SLC5A4: variants seen among roughly 807,000 people sequenced by gnomAD.
SLC5A4 encodes probable glucose sensor protein SLC5A4.
In SLC5A4, 55 loss-of-function variants were observed where a neutral mutation model predicts 70.3. That is an observed-to-expected ratio of 0.78 (90% CI 0.63 to 0.98). The LOEUF is 0.98. Among genes scored for constraint, SLC5A4 ranks in the 50% least tolerant of loss-of-function variants. The probability of loss-of-function intolerance (pLI) is 0.00; values close to 1 mark genes in which losing one functional copy is unlikely to be tolerated. For synonymous variants in SLC5A4, 268 were observed against 305.7 expected (o/e 0.88, Z 1.29); for missense variants, 735 against 839.2 (o/e 0.88, Z 1.53).
chr22:32,269,181 A>G, the SLC5A4 span, among the ~76,000 whole-genome samples: 2 of 152,330 alleles, frequency 1.3e-5, no homozygotes, highest in East Asian at 3.9e-4. The surrounding 1 kb of genome is among the most constrained non-coding windows in gnomAD (Gnocchi z 4.1). Flanking sequence ...GTGAGCCACC[A>G]CGAGCGGCTG....
chr22:32,270,958 C>T, the SLC5A4 span: 22,930 of 546,338 alleles, frequency 0.042, 948 homozygotes, highest in African/African-American at 0.16. Flanking sequence ...GCGGGGCTCA[C>T]GATGAGCTAG....
chr22:32,227,687 C>T (rs1299650732), intron 11 of SLC5A4, among the ~76,000 whole-genome samples: 2 of 152,112 alleles, frequency 1.3e-5, no homozygotes, highest in Non-Finnish European at 2.9e-5. Context: ...CCTGTAATCC[C>T]AAGACTTTGG....
the SLC5A4 span, among the ~76,000 whole-genome samples, chr22:32,347,717 AG>A: frequency 3.6e-5 from 2 of 54,992 alleles, no homozygotes; most frequent in Non-Finnish European, 6.6e-5. Flanking sequence ...GGGTGGGGGG[AG>A]GGGGGAGGGA....
intron 14 of SLC5A4, 144 bp from the exon 15 acceptor site, chr22:32,218,869 A>C (rs1924885880): frequency 3.2e-6 from 2 of 619,462 alleles, no homozygotes; most frequent in African/African-American, 1.9e-5. Flanking sequence ...AATGTAGATA[A>C]ATTTAATCAT....
chr22:32,289,447 T>C, the SLC5A4 span, among the ~76,000 whole-genome samples: 1 of 152,108 alleles, frequency 6.6e-6, no homozygotes, highest in Non-Finnish European at 1.5e-5. Flanking sequence ...TCTCAGGAGA[T>C]CTGATGGTTT....
At chr22:32,233,124 T>G in intron 8 of SLC5A4, 90 bp from the exon 9 acceptor site, 1 of 1,403,396 alleles carries the variant, frequency 7.1e-7, no homozygotes, top group South Asian at 1.4e-5. Context: ...AATGTTGCAA[T>G]AAGAAATAAT....
At chr22:32,325,258 G>T in the SLC5A4 span, among the ~76,000 whole-genome samples, 8 of 152,240 alleles carry the variant, frequency 5.3e-5, no homozygotes, top group Non-Finnish European at 1.2e-4. Flanking sequence ...CCCTGCCCTC[G>T]AGGGCTCCAA....
the SLC5A4 span, among the ~76,000 whole-genome samples, chr22:32,313,684 C>T: frequency 6.6e-6 from 1 of 152,194 alleles, no homozygotes; most frequent in East Asian, 1.9e-4. Flanking sequence ...CCCCACTGCC[C>T]TGTGTCTATT....
intron 10 of SLC5A4, 58 bp downstream of exon 10, chr22:32,230,910 C>T (rs1197449790): frequency 1.9e-6 from 2 of 1,037,182 alleles, no homozygotes; most frequent in Middle Eastern, 2.1e-4. Flanking sequence ...CATAACCCTT[C>T]CTCGAGGCCC....
the SLC5A4 span, among the ~76,000 whole-genome samples, chr22:32,312,385 A>ACACACACACG: frequency 1.4e-5 from 2 of 142,504 alleles, no homozygotes; most frequent in African/African-American, 5.2e-5. Context: ...ACACACACAC[A>ACACACACACG]CGCACATTCA....
At chr22:32,222,687 C>T (rs1394347771) in intron 13 of SLC5A4, among the ~76,000 whole-genome samples, 3 of 152,140 alleles carry the variant, frequency 2.0e-5, no homozygotes, top group Non-Finnish European at 2.9e-5. Flanking sequence ...ACATGTCCTT[C>T]GTAAAACATT....
the SLC5A4 span, among the ~76,000 whole-genome samples, chr22:32,331,236 G>A: frequency 1.3e-5 from 2 of 151,580 alleles, no homozygotes; most frequent in African/African-American, 2.4e-5. Context: ...GGCTGTGTGT[G>A]TGTTGGGGCA....
the SLC5A4 span, among the ~76,000 whole-genome samples, chr22:32,354,539 G>C: frequency 6.6e-6 from 1 of 151,654 alleles, no homozygotes; most frequent in South Asian, 2.1e-4. Flanking sequence ...TGCAACACCC[G>C]ATAGTTCTTC....
At chr22:32,252,178 G>A (rs890425588) in intron 2 of SLC5A4, among the ~76,000 whole-genome samples, 1 of 151,324 alleles carries the variant, frequency 6.6e-6, no homozygotes, top group Admixed American at 6.6e-5. Context: ...TGCAGTGAGC[G>A]GAGATCGCGC....
chr22:32,223,555 TC>T lies in SLC5A4; in HGVS notation c.1665+711del, dbSNP rs774318755. ...TCCTGCCCCCTGGTACCATGTACTTTCCCCCCATCTCTGTGCCAGTCAGTGT... is the reference window on the plus strand; with the variant it reads ...TCCTGCCCCCTGGTACCATGTACTTTCCCCCATCTCTGTGCCAGTCAGTGT... On this transcript the variant is annotated intron_variant, in intron 13 of 14. Coordinates refer to ENST00000266086, the MANE Select transcript of SLC5A4 (RefSeq NM_014227.3). Among the ~76,000 whole-genome samples the T allele has an allele frequency of 8.5e-5, 13 of 152,204 alleles. 1 individual carries two copies. The highest frequency in any genetic ancestry group is 3.1e-4 in the African/African-American group (13 of 41,524).
At chr22:32,237,035 T>G (rs544964247) in intron 7 of SLC5A4, among the ~76,000 whole-genome samples, 4 of 152,076 alleles carry the variant, frequency 2.6e-5, no homozygotes, top group Non-Finnish European at 5.9e-5. Flanking sequence ...GAAAGTGATG[T>G]TCTCTTCCCC....
the SLC5A4 span, among the ~76,000 whole-genome samples, chr22:32,274,113 C>T: frequency 3.3e-5 from 5 of 150,458 alleles, no homozygotes; most frequent in African/African-American, 1.2e-4. Context: ...CATCTCGGCT[C>T]GCTGCAAGCT....
intron 2 of SLC5A4, 93 bp from the exon 3 acceptor site, chr22:32,251,967 C>A: frequency 3.4e-6 from 3 of 874,226 alleles, no homozygotes; most frequent in Non-Finnish European, 5.7e-6. Flanking sequence ...TGGTGGCTCA[C>A]GCCTGTAATC....
upstream of SLC5A4, among the ~76,000 whole-genome samples, chr22:32,258,116 G>C (rs62241066): frequency 7.0e-3 from 1,062 of 152,094 alleles, 3 homozygotes; most frequent in Non-Finnish European, 0.011. Flanking sequence ...AGCCTCCCGA[G>C]TTGCTGGGAT....
Sources: gnomAD v4.1 joint callset for allele counts (sites outside exome capture counted in the v4.1 genomes callset) on GRCh38, gnomAD v4.1.1 for gene constraint, Gnocchi (gnomAD v3.1) non-coding constraint, MANE v1.5 for transcripts, NCBI Gene and HGNC (gene_info 2026-07-23, HGNC 2026-07-21) for gene names.